Variants in GPLD1 observed in about 807,000 individuals in gnomAD.
GPLD1 encodes the protein phosphatidylinositol-glycan-specific phospholipase D.
In GPLD1, 84 loss-of-function variants were observed where a neutral mutation model predicts 112.6. That is an observed-to-expected ratio of 0.75 (90% confidence interval 0.63 to 0.89). The LOEUF (loss-of-function observed/expected upper bound fraction) is 0.89, where lower values mean the gene tolerates loss of function less well. Among genes scored for constraint, GPLD1 ranks in the 40% least tolerant of loss-of-function variants. The probability of loss-of-function intolerance (pLI) is 0.00; values close to 1 mark genes in which losing one functional copy is unlikely to be tolerated. For synonymous variants in GPLD1, 386 were observed against 403.8 expected (o/e 0.96, Z 0.53); for missense variants, 1,044 against 1,051.5 (o/e 0.99, Z 0.10).
In GPLD1 at chr6:24,454,075, G is replaced by A. The variant is rs1139467; in HGVS notation, c.1275C>T (p.Gly425=). 3.1e-6 allele frequency: 5 copies of A among 1,613,444 alleles called. No homozygotes were observed. The highest frequency in any genetic ancestry group is 1.1e-5 in the South Asian group (1 of 91,058). ...CCAGGTCCAGGTCAACAGGTGGCAGGCCCAGGTCATTGCCGTAGATGAGGT... is the reference window on the plus strand; with the variant it reads ...CCAGGTCCAGGTCAACAGGTGGCAGACCCAGGTCATTGCCGTAGATGAGGT... ...RVYLIYGNDL[G]LPPVDLDLDK... Residue 425 remains glycine (G), a synonymous_variant, in exon 14 of 25, where the codon GGC becomes GGT. Transcript: ENST00000230036.
intron 18 of GPLD1, among the ~76,000 whole-genome samples, chr6:24,446,329 C>T (rs1396145849): frequency 7.4e-6 from 1 of 135,870 alleles, no homozygotes; most frequent in Non-Finnish European, 1.6e-5. Context: ...AAACCCATCC[C>T]TATAAAAATG....
intron 2 of GPLD1, among the ~76,000 whole-genome samples, chr6:24,480,811 A>G (rs2760140): frequency 0.32 from 48,709 of 152,098 alleles, 8,084 homozygotes; most frequent in Non-Finnish European, 0.35. Context: ...AACACAGACT[A>G]CATTTCCCAG....
chr6:24,449,989 A>C (rs1763028953), intron 14 of GPLD1, 90 bp from the exon 15 acceptor site: 1 of 845,012 alleles, frequency 1.2e-6, no homozygotes, highest in Non-Finnish European at 1.9e-6. Flanking sequence ...GGCCTGGGAC[A>C]ACCCCCGCCC....
upstream of GPLD1, among the ~76,000 whole-genome samples, chr6:24,489,922 C>A (rs1374750512): frequency 6.6e-6 from 1 of 152,166 alleles, no homozygotes; most frequent in Non-Finnish European, 1.5e-5. Context: ...ACATATTAGA[C>A]CACCTCACCT....
chr6:24,432,117 C>T (rs1762422060), intron 24 of GPLD1, among the ~76,000 whole-genome samples: 1 of 151,970 alleles, frequency 6.6e-6, no homozygotes, highest in African/African-American at 2.4e-5. Flanking sequence ...AATGGTGTCA[C>T]ACACCTGTGG....
chr6:24,431,679 C>T (rs896712175), intron 24 of GPLD1, among the ~76,000 whole-genome samples: 1 of 151,912 alleles, frequency 6.6e-6, no homozygotes, highest in Non-Finnish European at 1.5e-5. Flanking sequence ...AGACTATAGG[C>T]ATGCACCACC....
At chr6:24,451,985 C>T (rs1763106261) in intron 14 of GPLD1, among the ~76,000 whole-genome samples, 1 of 152,210 alleles carries the variant, frequency 6.6e-6, no homozygotes, top group East Asian at 1.9e-4. Flanking sequence ...TTAAAGCAGG[C>T]CAGGCCTTGA....
intron 2 of GPLD1, among the ~76,000 whole-genome samples, chr6:24,481,337 C>T (rs1764195852): frequency 2.1e-5 from 3 of 145,444 alleles, no homozygotes; most frequent in African/African-American, 5.6e-5. Flanking sequence ...TTGGCAATAT[C>T]CCGCCCTTTT....
intron 24 of GPLD1, 81 bp from the exon 25 acceptor site, chr6:24,429,199 G>T: frequency 2.5e-6 from 2 of 797,896 alleles, no homozygotes; most frequent in Non-Finnish European, 4.1e-6. Flanking sequence ...ATCATGCTAT[G>T]CTCTAGAAAT....
At chr6:24,446,761 C>T (rs1291644364) in intron 18 of GPLD1, 77 bp downstream of exon 18, 2 of 1,419,766 alleles carry the variant, frequency 1.4e-6, no homozygotes, top group South Asian at 2.8e-5. Context: ...TTCCCTCAGC[C>T]TCATGCTCAG....
intron 15 of GPLD1, among the ~76,000 whole-genome samples, chr6:24,448,900 A>G (rs1181876263): frequency 6.6e-6 from 1 of 152,038 alleles, no homozygotes; most frequent in Non-Finnish European, 1.5e-5. Flanking sequence ...CTTTTCCATC[A>G]TAAGCCAGGT....
downstream of GPLD1, chr6:24,424,157 ACT>A (rs1183533158): frequency 2.6e-5 from 4 of 152,040 alleles, no homozygotes; most frequent in Non-Finnish European, 5.9e-5. Flanking sequence ...CTTACAACAG[ACT>A]CTGTAAGTTT....
At chr6:24,475,771 T>C (rs1763993903) in intron 4 of GPLD1, among the ~76,000 whole-genome samples, 1 of 149,840 alleles carries the variant, frequency 6.7e-6, no homozygotes, top group Non-Finnish European at 1.5e-5. Flanking sequence ...GGCAGGAGAA[T>C]GGCATGAACC....
At chr6:24,489,618 G>T, upstream of GPLD1, 2 of 1,527,162 alleles carry the variant, frequency 1.3e-6, no homozygotes, top group South Asian at 1.3e-5. Context: ...CTCTAAGCAG[G>T]TCACTGACCG....
At chr6:24,436,828 A>G (rs7752186) in intron 21 of GPLD1, 92 bp from the exon 22 acceptor site, 37,766 of 1,253,384 alleles carry the variant, frequency 0.03, 1,601 homozygotes, top group African/African-American at 0.19. Flanking sequence ...CCAACCTCTT[A>G]CAAATAATAT....
intron 5 of GPLD1, among the ~76,000 whole-genome samples, chr6:24,474,159 A>G (rs1284191938): frequency 7.9e-6 from 1 of 126,442 alleles, no homozygotes; most frequent in Non-Finnish European, 1.7e-5. Context: ...AACAACAAAA[A>G]AAACCACACC....
At chr6:24,486,213 T>C in intron 1 of GPLD1, 83 bp from the exon 2 acceptor site, 6 of 876,204 alleles carry the variant, frequency 6.8e-6, no homozygotes, top group Admixed American at 2.1e-5. Flanking sequence ...AAAAGAAAAA[T>C]ACACAATTTG....
intron 10 of GPLD1, among the ~76,000 whole-genome samples, chr6:24,463,777 T>C (rs1423997009): frequency 2.0e-5 from 3 of 152,246 alleles, no homozygotes; most frequent in African/African-American, 4.8e-5. Context: ...AACATATTTA[T>C]GTTTTCCTTT....
At chr6:24,448,510 T>C (rs995856383) in intron 15 of GPLD1, among the ~76,000 whole-genome samples, 1 of 152,164 alleles carries the variant, frequency 6.6e-6, no homozygotes, top group African/African-American at 2.4e-5. Context: ...ATTCTGCGCA[T>C]TGCTGCTGGG....
Sources: allele counts gnomAD v4.1 joint callset (sites outside exome capture counted in the v4.1 genomes callset), GRCh38; gene constraint gnomAD v4.1.1; transcripts MANE v1.5; gene names NCBI Gene and HGNC (gene_info 2026-07-23, HGNC 2026-07-21).